The following SNRPN variants were observed in gnomAD, a reference collection of about 807,000 sequenced individuals.
SNRPN encodes small nuclear ribonucleoprotein-associated protein N.
A neutral mutation model predicts 25.2 loss-of-function variants in SNRPN; 7 were observed. The ratio of observed to expected loss-of-function variants is 0.28; its 90% CI spans 0.16 to 0.52. The LOEUF (loss-of-function observed/expected upper bound fraction) is 0.52. SNRPN is among the 20% of genes least tolerant of loss of function. The pLI is 0.96. For synonymous variants in SNRPN, 124 were observed against 110.6 expected (o/e 1.12, Z -0.76); for missense variants, 196 against 322.5 (o/e 0.61, Z 3.00).
intron 2 of SNRPN, among the ~76,000 whole-genome samples, chr15:24,838,368 A>C (rs1287242379): frequency 6.6e-6 from 1 of 152,118 alleles, no homozygotes; most frequent in Non-Finnish European, 1.5e-5. Flanking sequence ...GGGTTTCTGG[A>C]GGTGATATCC....
intron 2 of SNRPN, among the ~76,000 whole-genome samples, chr15:24,837,515 C>CCCA (rs2051306130): frequency 1.3e-5 from 2 of 151,104 alleles, no homozygotes; most frequent in East Asian, 3.9e-4. Flanking sequence ...ACTACAGGCG[C>CCCA]CCACCACCAT....
intron 2 of SNRPN, among the ~76,000 whole-genome samples, chr15:24,914,775 T>C (rs914464366): frequency 6.6e-6 from 1 of 152,062 alleles, no homozygotes; most frequent in Non-Finnish European, 1.5e-5. Context: ...GTGATACTTA[T>C]TAAAGCATGG....
In SNRPN at chr15:24,973,459, G is replaced by A. The variant is rs566529222; in HGVS notation, c.-143-852G>A. Among the ~76,000 whole-genome samples the A allele has an allele frequency of 5.0e-3, 759 of 152,004 alleles. 4 individuals carry two copies. The highest frequency in any genetic ancestry group is 8.7e-3 in the Non-Finnish European group (592 of 67,956). On this transcript the variant is annotated intron_variant, in intron 3 of 9. Coordinates refer to ENST00000390687, the MANE Select transcript of SNRPN (RefSeq NM_003097.6). Reference sequence around the variant, plus strand: ...GTTGCCCAGGCTGGAGTGCAGTGGCGCGATCTCAGCTCACTGCAACCTCTG... The same window carrying A: ...GTTGCCCAGGCTGGAGTGCAGTGGCACGATCTCAGCTCACTGCAACCTCTG...
At chr15:24,917,588 C>T (rs1411473331) in intron 2 of SNRPN, among the ~76,000 whole-genome samples, 1 of 152,210 alleles carries the variant, frequency 6.6e-6, no homozygotes. Context: ...ATCATTTCAA[C>T]GCGGCCTGGG....
chr15:24,923,114 C>A (rs1388488425), intron 3 of SNRPN, among the ~76,000 whole-genome samples: 1 of 152,000 alleles, frequency 6.6e-6, no homozygotes, highest in Non-Finnish European at 1.5e-5. Flanking sequence ...CCATGTTGTC[C>A]AGGCTGGTCT....
At chr15:24,905,039 G>T (rs938235116) in intron 2 of SNRPN, among the ~76,000 whole-genome samples, 1 of 148,488 alleles carries the variant, frequency 6.7e-6, no homozygotes, top group Non-Finnish European at 1.5e-5. Context: ...CTTGAACCCA[G>T]AATTCAGAGG....
intron 2 of SNRPN, among the ~76,000 whole-genome samples, chr15:24,914,443 CCAGCATTTTGGG>C (rs1307651648): frequency 6.6e-6 from 1 of 152,044 alleles, no homozygotes; most frequent in Non-Finnish European, 1.5e-5. Flanking sequence ...GCCTGTAATC[CCAGCATTTTGGG>C]AGGCTGAGGC....
intron 3 of SNRPN, among the ~76,000 whole-genome samples, chr15:24,926,552 A>G (rs923305874): frequency 6.6e-6 from 1 of 151,684 alleles, no homozygotes; most frequent in African/African-American, 2.4e-5. Context: ...GGCAAATGTG[A>G]TATCATTGCC....
In SNRPN at chr15:24,826,197, G is replaced by C. The variant is rs148742491; in HGVS notation, c.-687+2347G>C. On this transcript the variant is annotated intron_variant, in intron 1 of 12. Transcript: ENST00000400100. ...TCTCTGTAGAAAATGGCTGGCATAA[G>C]TCAATTTCTGACTGGGAGCTGTCAT... 2.8e-4 allele frequency among the ~76,000 whole-genome samples: 42 copies of C among 152,158 alleles called. 4 individuals are homozygous for C. In the East Asian group the frequency reaches 4.1e-3, roughly 15 times the overall value.
At chr15:24,935,335 C>T (rs2061156229) in intron 3 of SNRPN, among the ~76,000 whole-genome samples, 1 of 151,728 alleles carries the variant, frequency 6.6e-6, no homozygotes, top group Non-Finnish European at 1.5e-5. Context: ...AATATAAGTA[C>T]TGATGTAGGG....
intron 2 of SNRPN, chr15:24,850,915 ATTT>A (rs200741145): frequency 8.7e-5 from 13 of 148,608 alleles, no homozygotes; most frequent in Admixed American, 2.7e-4. Flanking sequence ...AGGAGTTTTT[ATTT>A]TTTTTTTGTT....
rs1157025971 is a variant in SNRPN at position 24,969,125 on chromosome 15, T to TATTA, written c.-144+1051_-144+1054dup. On this transcript the variant is annotated intron_variant, in intron 3 of 9. Transcript: ENST00000390687. ...CTTGTTTATGGCCACCATTTTGAGT[T>TATTA]ATTAATTAATTTATTTATTTAGAGA... Among the ~76,000 whole-genome samples, 3 of 152,210 alleles carry TATTA rather than the reference T, an allele frequency of 2.0e-5. No individual in the cohort carries two copies. The East Asian group carries it at 5.8e-4, about 29-fold the overall frequency.
intron 1 of SNRPN, among the ~76,000 whole-genome samples, chr15:24,878,367 G>T (rs1442357393): frequency 6.6e-6 from 1 of 151,514 alleles, no homozygotes; most frequent in Non-Finnish European, 1.5e-5. Context: ...GTGCGCTACG[G>T]GAAGGTCACC....
At chr15:24,942,132 G>C (rs1245948601) in intron 3 of SNRPN, 2 of 152,164 alleles carry the variant, frequency 1.3e-5, no homozygotes, top group Non-Finnish European at 2.9e-5. Context: ...TCTACTGATG[G>C]AAATATTCCT....
intron 1 of SNRPN, among the ~76,000 whole-genome samples, chr15:24,867,242 A>G (rs749671472): frequency 2.0e-5 from 3 of 152,154 alleles, no homozygotes; most frequent in Non-Finnish European, 4.4e-5. Context: ...TAACATTCTC[A>G]TCAACAGTGT....
At chr15:24,977,132 G>C in intron 7 of SNRPN, 103 bp downstream of exon 7, 1 of 923,970 alleles carries the variant, frequency 1.1e-6, no homozygotes, top group Non-Finnish European at 1.6e-6. Context: ...AATGTAAACA[G>C]CATATGGTTT....
At chr15:24,867,427 T>A (rs1244793893) in intron 1 of SNRPN, among the ~76,000 whole-genome samples, 1 of 151,524 alleles carries the variant, frequency 6.6e-6, no homozygotes, top group Non-Finnish European at 1.5e-5. Context: ...CAGGCTGGAG[T>A]GCAGTGGTGT....
At chr15:24,926,401 A>G (rs2060382421) in intron 3 of SNRPN, among the ~76,000 whole-genome samples, 1 of 152,206 alleles carries the variant, frequency 6.6e-6, no homozygotes, top group Non-Finnish European at 1.5e-5. Flanking sequence ...GCACAGATGC[A>G]CACATAAATT....
intron 1 of SNRPN, among the ~76,000 whole-genome samples, chr15:24,957,820 C>T (rs2063173994): frequency 6.6e-6 from 1 of 152,044 alleles, no homozygotes; most frequent in Non-Finnish European, 1.5e-5. Flanking sequence ...TATTTGCAAG[C>T]TGAGTATTTA....
Sources: allele counts gnomAD v4.1 joint callset (sites outside exome capture counted in the v4.1 genomes callset), GRCh38; gene constraint gnomAD v4.1.1; transcripts MANE v1.5; gene names NCBI Gene and HGNC (gene_info 2026-07-23, HGNC 2026-07-21).